The following ZHX2 variants were observed in gnomAD, a reference collection of about 807,000 sequenced individuals.
ZHX2 encodes the protein zinc fingers and homeoboxes 2, also known as zinc fingers and homeoboxes protein 2.
Under a neutral mutation model 21.9 loss-of-function variants are expected in ZHX2, and 6 were observed. The ratio of observed to expected loss-of-function variants is 0.27; its 90% CI spans 0.15 to 0.54. The LOEUF (loss-of-function observed/expected upper bound fraction) is 0.54. Among genes scored for constraint, ZHX2 ranks in the 20% least tolerant of loss-of-function variants. The pLI is 0.95. For synonymous variants in ZHX2, 434 were observed against 437.1 expected, an observed-to-expected ratio of 0.99 and a Z score of 0.09; for missense variants, 908 against 1,090.7, an observed-to-expected ratio of 0.83 and a Z score of 2.36.
chr8:122,940,804 G>T (rs899249789), intron 2 of ZHX2, among the ~76,000 whole-genome samples: 3 of 152,176 alleles, frequency 2.0e-5, no homozygotes, highest in African/African-American at 4.8e-5. Context: ...TAGGGATCAA[G>T]CAGCAGGCAT....
chr8:122,939,299 G>A (rs753841257), intron 2 of ZHX2, among the ~76,000 whole-genome samples: 5 of 152,178 alleles, frequency 3.3e-5, no homozygotes, highest in South Asian at 2.1e-4. Context: ...TCGAAGGCAC[G>A]TCTCCCACTC....
chr8:122,822,556 G>T (rs1489912186), intron 1 of ZHX2, among the ~76,000 whole-genome samples: 1 of 152,332 alleles, frequency 6.6e-6, no homozygotes, highest in East Asian at 1.9e-4. Flanking sequence ...TGGTAACTGA[G>T]CTGAAAAGAT....
At chr8:122,808,447 G>T (rs912662544) in intron 1 of ZHX2, among the ~76,000 whole-genome samples, 7 of 152,120 alleles carry the variant, frequency 4.6e-5, no homozygotes, top group African/African-American at 1.4e-4. Flanking sequence ...AGGGGGAAAA[G>T]CCCCTTATAA....
chr8:122,918,194 G>C (rs1045875621), intron 2 of ZHX2, among the ~76,000 whole-genome samples: 4 of 152,162 alleles, frequency 2.6e-5, no homozygotes, highest in Non-Finnish European at 5.9e-5. Context: ...TGAAAAAACT[G>C]AGACACAGGA....
rs1563602910 is a variant in ZHX2 at position 122,952,814 on chromosome 8, AC to A, written c.1310del (p.Pro437ArgfsTer15). ...CCAGAGCCCCCACCCAAGGTGGCCA[AC>A]CCCCCGCTCACACCAGCCAGTGACC... ...QVPEPPPKVANPPLTPASDRK... is the reference protein window; with the variant it reads ...QVPEPPPKVAXPPLTPASDRK... On this transcript the variant is annotated frameshift_variant, in exon 3 of 4. Coordinates refer to ENST00000314393, the MANE Select transcript of ZHX2 (RefSeq NM_014943.5). LOFTEE classifies it low-confidence loss of function (END_TRUNC). The surrounding 1 kb of genome is among the most constrained non-coding windows in gnomAD (Gnocchi z 6.9). 1 of 1,613,762 alleles carries A rather than the reference AC, an allele frequency of 6.2e-7. No individual in the cohort carries two copies. Among genetic ancestry groups the A allele is most frequent in the Non-Finnish European group, 8.5e-7 (1 of 1,179,950 alleles).
chr8:122,850,489 A>C (rs916381963), intron 1 of ZHX2, among the ~76,000 whole-genome samples: 1 of 152,010 alleles, frequency 6.6e-6, no homozygotes, highest in African/African-American at 2.4e-5. Context: ...AGTACAAAAA[A>C]ATTAGCCAGG....
intron 1 of ZHX2, among the ~76,000 whole-genome samples, chr8:122,838,182 T>C (rs529581921): frequency 5.9e-5 from 9 of 152,220 alleles, no homozygotes; most frequent in Non-Finnish European, 1.0e-4. Flanking sequence ...AACAAATAGC[T>C]GTGGGAAGAG....
At chr8:122,885,139 G>C (rs1232348716) in intron 2 of ZHX2, among the ~76,000 whole-genome samples, 4 of 152,208 alleles carry the variant, frequency 2.6e-5, no homozygotes, top group Non-Finnish European at 5.9e-5. Flanking sequence ...AACAGGAGCT[G>C]CTGATGAGTA....
Position 122,807,072 on chromosome 8 carries a change from C to A in ZHX2, c.-283+25126C>A, listed in dbSNP as rs568097609. Among the ~76,000 whole-genome samples the A allele has an allele frequency of 2.0e-5, 3 of 152,182 alleles. No individual in the cohort carries two copies. The East Asian group carries it at 5.8e-4, about 29-fold the overall frequency. ...GGAGAAGGGTGGACAGTGGAAGGGG[C>A]CCTTGGTGAGTGGGAGCTGCTATTT... is the stretch of plus-strand genomic sequence containing the variant. On this transcript the variant is annotated intron_variant, in intron 1 of 3. Transcript: ENST00000314393.
intron 2 of ZHX2, among the ~76,000 whole-genome samples, chr8:122,948,376 C>T (rs997664473): frequency 1.3e-5 from 2 of 152,074 alleles, no homozygotes; most frequent in Non-Finnish European, 1.5e-5. Context: ...TCTCTATTCT[C>T]GGTTCTGGGT....
chr8:122,884,647 A>G (rs1310510253), intron 2 of ZHX2, among the ~76,000 whole-genome samples: 4 of 152,182 alleles, frequency 2.6e-5, no homozygotes, highest in Non-Finnish European at 4.4e-5. Flanking sequence ...TCCGCTGGCC[A>G]TGGAAGCCTG....
At chr8:122,860,531 C>T (rs1240389937) in intron 1 of ZHX2, among the ~76,000 whole-genome samples, 1 of 152,150 alleles carries the variant, frequency 6.6e-6, no homozygotes, top group African/African-American at 2.4e-5. Context: ...ATGATTATAG[C>T]ACAGTTAAAA....
At chr8:122,915,454 C>CT (rs1820578033) in intron 2 of ZHX2, among the ~76,000 whole-genome samples, 1 of 152,188 alleles carries the variant, frequency 6.6e-6, no homozygotes. Context: ...TGGGAGATCT[C>CT]TCTGAGTACC....
At position 122,951,867 on chromosome 8, in the gene ZHX2, C is replaced by G. The variant is rs568961771; in HGVS notation, c.357C>G (p.Thr119=). 1 of 1,614,060 alleles carries G rather than the reference C, an allele frequency of 6.2e-7. No individual in the cohort carries two copies. Among genetic ancestry groups the G allele is most frequent in the South Asian group, 1.1e-5 (1 of 91,052 alleles). ...LYVCAECNFT[T]KKYDSLSDHN... Reference sequence around the variant, plus strand: ...TGTGTGCAGAATGTAACTTCACAACCAAAAAGTACGACTCCCTATCCGACC... The same window carrying G: ...TGTGTGCAGAATGTAACTTCACAACGAAAAAGTACGACTCCCTATCCGACC... Residue 119 remains threonine, a synonymous_variant, in exon 3 of 4, where the codon ACC becomes ACG. Transcript: ENST00000314393.
At chr8:122,794,446 G>T (rs1050581033) in intron 1 of ZHX2, among the ~76,000 whole-genome samples, 3 of 152,030 alleles carry the variant, frequency 2.0e-5, no homozygotes, top group Non-Finnish European at 4.4e-5. Flanking sequence ...GCTTTCCTAG[G>T]GGTCAGAAAC....
intron 2 of ZHX2, among the ~76,000 whole-genome samples, chr8:122,913,752 A>T (rs752053198): frequency 2.0e-5 from 3 of 152,232 alleles, no homozygotes; most frequent in Non-Finnish European, 2.9e-5. Flanking sequence ...TTGACCACAG[A>T]GCACATGTTT....
intron 2 of ZHX2, among the ~76,000 whole-genome samples, chr8:122,908,022 G>C (rs1820387292): frequency 6.6e-6 from 1 of 152,164 alleles, no homozygotes; most frequent in South Asian, 2.1e-4. Context: ...AAAGACAGAA[G>C]ACCTGCGTAC....
At chr8:122,923,843 G>A (rs951584745) in intron 2 of ZHX2, among the ~76,000 whole-genome samples, 4 of 152,154 alleles carry the variant, frequency 2.6e-5, no homozygotes, top group African/African-American at 9.7e-5. Context: ...TGCTCCATGG[G>A]TATGCTCTCT....
At chr8:122,826,883 T>G (rs1419392400) in intron 1 of ZHX2, among the ~76,000 whole-genome samples, 1 of 152,178 alleles carries the variant, frequency 6.6e-6, no homozygotes, top group Non-Finnish European at 1.5e-5. Flanking sequence ...TAATATAGGT[T>G]TGTTAATTTT....
Sources: gnomAD v4.1 joint callset for allele counts (sites outside exome capture counted in the v4.1 genomes callset) on GRCh38, gnomAD v4.1.1 for gene constraint, Gnocchi (gnomAD v3.1) non-coding constraint, MANE v1.5 for transcripts, NCBI Gene and HGNC (gene_info 2026-07-23, HGNC 2026-07-21) for gene names.